ST18: variants seen among roughly 807,000 people sequenced by gnomAD.
The protein encoded by ST18 is suppression of tumorigenicity 18 protein.
In ST18, 50 loss-of-function variants were observed where a neutral mutation model predicts 110.0. The observed-to-expected ratio is 0.45, with a 90% CI of 0.36 to 0.58. ST18 has a LOEUF of 0.58. Ranked by LOEUF, ST18 falls within the 20% of genes least tolerant of loss-of-function variation. The pLI is 0.00. For missense variants in ST18, 1,306 were observed against 1,280.1 expected, an observed-to-expected ratio of 1.02 and a Z score of -0.31; for synonymous variants, 461 against 452.4, an observed-to-expected ratio of 1.02 and a Z score of -0.24.
chr8:52,335,375 C>T (rs778473779), intron 2 of ST18, among the ~76,000 whole-genome samples: 4 of 152,176 alleles, frequency 2.6e-5, no homozygotes, highest in South Asian at 2.1e-4. Context: ...GTTCCACCTC[C>T]TCCCAAACCC....
intron 2 of ST18, among the ~76,000 whole-genome samples, chr8:52,265,276 AGAG>A (rs1055912855): frequency 6.6e-6 from 1 of 152,224 alleles, no homozygotes; most frequent in Non-Finnish European, 1.5e-5. Context: ...AATGGGGAGA[AGAG>A]GAGATGAGGT....
chr8:52,397,553 C>T (rs899186907), intron 2 of ST18, among the ~76,000 whole-genome samples: 1 of 152,134 alleles, frequency 6.6e-6, no homozygotes, highest in Non-Finnish European at 1.5e-5. Context: ...AGCAGCTTTT[C>T]CCCTATCTTC....
At chr8:52,323,779 C>T (rs745612146) in intron 2 of ST18, among the ~76,000 whole-genome samples, 1 of 152,184 alleles carries the variant, frequency 6.6e-6, no homozygotes. Flanking sequence ...TCCCACACCA[C>T]TCCACTTCCG....
At position 52,133,126 on chromosome 8, in the gene ST18, C is replaced by T. The variant is rs2050405848; in HGVS notation, c.2375G>A (p.Cys792Tyr). ...GACACCACCTTTCCTTGCACGAGGG[C>T]ATCCGGACAAGCTGAAATAGGGACC... The part of the protein sequence containing the change: ...NYASHRSLSG[C>Y]PRARKGGVKM... The change falls in exon 21 of 26, where the codon TGC becomes TAC. Residue 792 changes from cysteine (C) to tyrosine (Y), a missense_variant. Transcript: ENST00000689386. The T allele has an allele frequency of 6.2e-7, 1 of 1,614,040 alleles. No individual in the cohort carries two copies. Among genetic ancestry groups the T allele is most frequent in the Admixed American group, 1.7e-5 (1 of 60,000 alleles).
intron 2 of ST18, among the ~76,000 whole-genome samples, chr8:52,245,010 C>A (rs1162636074): frequency 6.6e-6 from 1 of 152,164 alleles, no homozygotes; most frequent in African/African-American, 2.4e-5. Context: ...CAGCCTCAAT[C>A]TTTTCCTGAT....
intron 2 of ST18, among the ~76,000 whole-genome samples, chr8:52,315,922 TAAC>T (rs913516192): frequency 8.5e-5 from 13 of 152,234 alleles, no homozygotes; most frequent in African/African-American, 3.1e-4. Flanking sequence ...CAGATTATAC[TAAC>T]GTTTGACATT....
chr8:52,249,397 T>G (rs1297379055), intron 2 of ST18: 2 of 152,500 alleles, frequency 1.3e-5, no homozygotes, highest in African/African-American at 4.8e-5. Context: ...CACGCTGACA[T>G]CAGGGAAGCA....
At chr8:52,287,178 G>A (rs2095484631) in intron 2 of ST18, among the ~76,000 whole-genome samples, 1 of 152,136 alleles carries the variant, frequency 6.6e-6, no homozygotes, top group East Asian at 1.9e-4. Context: ...AAGGTCCAGA[G>A]AAATTAGAAG....
At chr8:52,295,802 AG>A (rs766044250) in intron 2 of ST18, among the ~76,000 whole-genome samples, 3 of 147,258 alleles carry the variant, frequency 2.0e-5, no homozygotes, top group Non-Finnish European at 4.4e-5. Context: ...CTGGACTTGC[AG>A]CGCCAGTTCT....
intron 2 of ST18, among the ~76,000 whole-genome samples, chr8:52,302,862 G>A (rs980248395): frequency 6.6e-6 from 1 of 151,938 alleles, no homozygotes; most frequent in Non-Finnish European, 1.5e-5. Context: ...ATACATAGAA[G>A]GAAGTCATTA....
At chr8:52,327,016 C>T (rs1163059248) in intron 2 of ST18, among the ~76,000 whole-genome samples, 1 of 152,156 alleles carries the variant, frequency 6.6e-6, no homozygotes, top group Non-Finnish European at 1.5e-5. Context: ...AGAGGGAGCC[C>T]CACAGCCTTC....
chr8:52,398,219 C>A (rs1355666320), intron 2 of ST18, among the ~76,000 whole-genome samples: 1 of 152,006 alleles, frequency 6.6e-6, no homozygotes, highest in African/African-American at 2.4e-5. Flanking sequence ...TTTCTTCCAG[C>A]TTGGATGTTA....
intron 2 of ST18, among the ~76,000 whole-genome samples, chr8:52,232,220 G>A (rs575065471): frequency 5.3e-4 from 81 of 152,268 alleles, no homozygotes; most frequent in African/African-American, 1.8e-3. Context: ...CCTCATTGAA[G>A]TACATTCTCA....
At chr8:52,215,006 C>T (rs1056166254) in intron 6 of ST18, among the ~76,000 whole-genome samples, 3 of 152,120 alleles carry the variant, frequency 2.0e-5, no homozygotes, top group Non-Finnish European at 4.4e-5. Context: ...CACTAGAATC[C>T]GCGAATCATC....
At chr8:52,150,413 A>G (rs1244736192) in intron 15 of ST18, among the ~76,000 whole-genome samples, 1 of 152,236 alleles carries the variant, frequency 6.6e-6, no homozygotes, top group Non-Finnish European at 1.5e-5. Flanking sequence ...ATCAAAAGGC[A>G]TGTATAACTT....
At position 52,131,677 on chromosome 8, in the gene ST18, T is replaced by C. The variant is rs113168085; in HGVS notation, c.2666+281A>G. Among the ~76,000 whole-genome samples, 982 of 152,312 alleles carry C rather than the reference T, an allele frequency of 6.4e-3. 3 individuals are homozygous for C. Among genetic ancestry groups the C allele is most frequent in the Non-Finnish European group, 8.6e-3 (583 of 68,022 alleles). On this transcript the variant is annotated intron_variant, in intron 22 of 25. Coordinates refer to ENST00000689386, the MANE Select transcript of ST18 (RefSeq NM_001352837.2). The stretch of plus-strand genomic sequence containing the variant: ...AGTAAACCATTAAATGACTGAACCG[T>C]TAAGAAATAGCAGCCTAAGCAATAT...
chr8:52,137,359 A>C, intron 18 of ST18, 62 bp downstream of exon 18: 1 of 1,560,290 alleles, frequency 6.4e-7, no homozygotes. Context: ...AAAGGGTGAG[A>C]ATAAGTATTT....
chr8:52,231,178 T>C (rs928657271), intron 2 of ST18, among the ~76,000 whole-genome samples: 11 of 152,236 alleles, frequency 7.2e-5, no homozygotes, highest in African/African-American at 2.7e-4. Flanking sequence ...TACAATTTAT[T>C]ACCCAGATAA....
At chr8:52,367,233 G>GCCACACACAC (rs1564591511) in intron 2 of ST18, among the ~76,000 whole-genome samples, 1 of 131,214 alleles carries the variant, frequency 7.6e-6, no homozygotes, top group Non-Finnish European at 1.5e-5. Context: ...GCGGGACCCT[G>GCCACACACAC]TCTCACACAC....
Sources: gnomAD v4.1 joint callset for allele counts (sites outside exome capture counted in the v4.1 genomes callset) on GRCh38, gnomAD v4.1.1 for gene constraint, MANE v1.5 for transcripts, NCBI Gene and HGNC (gene_info 2026-07-23, HGNC 2026-07-21) for gene names.